The following ARFGAP3 variants were observed in gnomAD, a reference collection of about 807,000 sequenced individuals.
ARFGAP3 encodes ARF GTPase activating protein 3, also known as ADP-ribosylation factor GTPase-activating protein 3.
ARFGAP3 carries 72 observed loss-of-function variants against 75.0 expected under a neutral mutation model. The ratio of observed to expected loss-of-function variants is 0.96; its 90% CI spans 0.79 to 1.17. The LOEUF (loss-of-function observed/expected upper bound fraction) is 1.17, where lower values mean the gene tolerates loss of function less well. ARFGAP3 is among the 50% of genes most tolerant of loss of function. ARFGAP3 has a pLI of 0.00. For missense variants in ARFGAP3, 620 were observed against 626.6 expected (o/e 0.99, Z 0.11); for synonymous variants, 221 against 217.9 (o/e 1.01, Z -0.13).
chr22:42,841,214 G>A (rs545523644), intron 2 of ARFGAP3, 198 bp from the exon 3 acceptor site: 76 of 513,544 alleles, frequency 1.5e-4, no homozygotes, highest in Admixed American at 3.8e-4. Flanking sequence ...GGCTCCTCTC[G>A]TCCTTCCTGG....
At chr22:42,806,979 TA>T in intron 14 of ARFGAP3, 93 bp downstream of exon 14, 1 of 1,268,114 alleles carries the variant, frequency 7.9e-7, no homozygotes, top group Non-Finnish European at 1.1e-6. Context: ...TAATGGTTGC[TA>T]AAATATCTTG....
intron 15 of ARFGAP3, 186 bp from the exon 16 acceptor site, chr22:42,797,791 G>A: frequency 2.1e-6 from 2 of 969,210 alleles, no homozygotes; most frequent in Non-Finnish European, 2.5e-6. Flanking sequence ...GCTGAGGGTA[G>A]GTGTGGGCTT....
At position 42,817,807 on chromosome 22, in the gene ARFGAP3, T is replaced by G; in HGVS notation, c.863A>C (p.Lys288Thr). The G allele has an allele frequency of 6.2e-7, 1 of 1,613,520 alleles. No individual in the cohort carries two copies. The highest frequency in any genetic ancestry group is 8.5e-7 in the Non-Finnish European group (1 of 1,179,780). Residue 288 changes from lysine (K) to threonine (T), a missense_variant, in exon 10 of 16, where the codon AAA becomes ACA. Lys to Thr is a moderately conservative substitution (Grantham distance 78). Coordinates refer to ENST00000263245, the MANE Select transcript of ARFGAP3 (RefSeq NM_014570.5). ...GCCACTAATGTTCATCTTTTCGTCT[T>G]TCTTCATTTGAATTTCAAGATCCTT... Reference protein sequence around the residue: ...AYKDLEIQMKKDEKMNISGKK... With the variant: ...AYKDLEIQMKTDEKMNISGKK...
At chr22:42,804,660 G>A (rs944032946) in intron 14 of ARFGAP3, among the ~76,000 whole-genome samples, 11 of 152,192 alleles carry the variant, frequency 7.2e-5, no homozygotes, top group African/African-American at 2.6e-4. Context: ...GATTACAGGC[G>A]TGAGCCACTG....
At chr22:42,798,719 AAC>A (rs1161991444) in intron 15 of ARFGAP3, among the ~76,000 whole-genome samples, 1 of 152,282 alleles carries the variant, frequency 6.6e-6, no homozygotes, top group African/African-American at 2.4e-5. Context: ...CCAAAATATT[AAC>A]AGAGGTTATC....
intron 1 of ARFGAP3, among the ~76,000 whole-genome samples, chr22:42,855,787 A>C (rs957484410): frequency 3.9e-5 from 6 of 151,986 alleles, no homozygotes; most frequent in African/African-American, 2.4e-5. Context: ...AGGCAGGAGG[A>C]GGCAGGAGGA....
chr22:42,801,545 C>T (rs1031859136), intron 14 of ARFGAP3, among the ~76,000 whole-genome samples: 7 of 152,238 alleles, frequency 4.6e-5, no homozygotes, highest in South Asian at 2.1e-4. Flanking sequence ...TGGCAACATG[C>T]GCACAGCTCT....
At chr22:42,850,433 C>T (rs1475525411) in intron 1 of ARFGAP3, among the ~76,000 whole-genome samples, 2 of 151,414 alleles carry the variant, frequency 1.3e-5, no homozygotes, top group Non-Finnish European at 2.9e-5. Context: ...AATTAGCCGG[C>T]GTGGTGGAAC....
intron 2 of ARFGAP3, among the ~76,000 whole-genome samples, chr22:42,843,781 G>A (rs1404820385): frequency 1.3e-5 from 2 of 152,132 alleles, no homozygotes; most frequent in Non-Finnish European, 2.9e-5. Flanking sequence ...CGGCAAACTT[G>A]AGAAAAAACA....
rs1426209281 is a variant in ARFGAP3 at position 42,807,210 on chromosome 22, G to A, written c.1321-47C>T. 3 of 1,555,252 alleles carry A rather than the reference G, an allele frequency of 1.9e-6. No individual in the cohort carries two copies. In the African/African-American group the frequency reaches 4.1e-5, roughly 21 times the overall value. On this transcript the variant is annotated intron_variant, in intron 13 of 15. Coordinates refer to ENST00000263245, the MANE Select transcript of ARFGAP3 (RefSeq NM_014570.5). ...AAATGTTAGGCTCCAAAGATTGTGG[G>A]CAGTTTTGCAAAAAGAATCACTGAA...
intron 11 of ARFGAP3, among the ~76,000 whole-genome samples, chr22:42,813,741 T>C (rs947923253): frequency 2.1e-4 from 32 of 152,170 alleles, no homozygotes; most frequent in Admixed American, 3.3e-4. Context: ...GGCAACTCAC[T>C]AAGAGGACCG....
At chr22:42,840,922 G>T in intron 3 of ARFGAP3, 22 bp downstream of exon 3, 1 of 1,611,198 alleles carries the variant, frequency 6.2e-7, no homozygotes, top group Non-Finnish European at 8.5e-7. Flanking sequence ...GAAGGAAAAT[G>T]ACGAGTTTGA....
chr22:42,809,714 G>T (rs1925277105), intron 12 of ARFGAP3, among the ~76,000 whole-genome samples: 1 of 152,002 alleles, frequency 6.6e-6, no homozygotes, highest in Admixed American at 6.5e-5. Flanking sequence ...TAAAATTGGG[G>T]GAAAAAAGGC....
intron 9 of ARFGAP3, among the ~76,000 whole-genome samples, chr22:42,821,948 A>G (rs1478269588): frequency 6.6e-6 from 1 of 152,092 alleles, no homozygotes; most frequent in East Asian, 1.9e-4. Flanking sequence ...GTGGTATCTT[A>G]TTGTGGCCTT....
At chr22:42,831,767 A>G in intron 5 of ARFGAP3, 131 bp from the exon 6 acceptor site, 2 of 1,478,096 alleles carry the variant, frequency 1.4e-6, no homozygotes, top group East Asian at 2.5e-5. Context: ...AAAGGAAGGC[A>G]TATCTACTTT....
chr22:42,840,994 AG>A lies in ARFGAP3; in HGVS notation c.210del (p.Trp71GlyfsTer90). 6.2e-7 allele frequency: 1 copy of A among 1,614,210 alleles called. No individual in the cohort carries two copies. Among genetic ancestry groups the A allele is most frequent in the Non-Finnish European group, 8.5e-7 (1 of 1,180,034 alleles). On this transcript the variant is annotated frameshift_variant, in exon 3 of 16. Transcript: ENST00000263245. LOFTEE classifies it high-confidence loss of function. ...ATGCATCGCAACTGAAACCATGACC[AG>A]TTGGAATCCAACTCTGTAGATCTAA... ...SFIRSTELDS[N>X]WSWFQLRCMQ...
intron 1 of ARFGAP3, 87 bp downstream of exon 1, chr22:42,857,027 C>G: frequency 7.3e-7 from 1 of 1,361,340 alleles, no homozygotes; most frequent in Non-Finnish European, 9.6e-7. Context: ...GCCCCGCCTC[C>G]CAAGCCACGG....
intron 11 of ARFGAP3, among the ~76,000 whole-genome samples, chr22:42,814,623 C>T (rs963298612): frequency 5.9e-5 from 9 of 152,242 alleles, no homozygotes; most frequent in African/African-American, 2.2e-4. Flanking sequence ...AAAGGCCCCA[C>T]AGGGGCCTGT....
chr22:42,839,597 CAA>C (rs61512605), intron 3 of ARFGAP3, among the ~76,000 whole-genome samples: 14 of 112,330 alleles, frequency 1.2e-4, no homozygotes, highest in Admixed American at 2.7e-4. Flanking sequence ...AACTCTGTCT[CAA>C]AAAAAAAAAA....
Sources: gnomAD v4.1 joint callset for allele counts (sites outside exome capture counted in the v4.1 genomes callset) on GRCh38, gnomAD v4.1.1 for gene constraint, MANE v1.5 for transcripts, NCBI Gene and HGNC (gene_info 2026-07-23, HGNC 2026-07-21) for gene names.